The following RILPL1 variants were observed in gnomAD, a reference collection of about 807,000 sequenced individuals.
RILPL1 encodes the protein RILP-like protein 1.
RILPL1 carries 33 observed loss-of-function variants against 50.3 expected under a neutral mutation model. The observed-to-expected ratio is 0.66, with a 90% confidence interval of 0.50 to 0.88. The LOEUF is 0.88. Among genes scored for constraint, RILPL1 ranks in the 40% least tolerant of loss-of-function variants. The pLI is 0.00. For synonymous variants in RILPL1, 205 were observed against 228.6 expected (o/e 0.90, Z 0.93); for missense variants, 418 against 542.5 (o/e 0.77, Z 2.28).
At chr12:123,528,983 G>A (rs1885360324) in intron 1 of RILPL1, among the ~76,000 whole-genome samples, 1 of 151,928 alleles carries the variant, frequency 6.6e-6, no homozygotes, top group South Asian at 2.1e-4. Context: ...GAGCCTACAA[G>A]CCCCGGCACC....
intron 6 of RILPL1, among the ~76,000 whole-genome samples, chr12:123,478,752 C>T (rs1211758531): frequency 6.6e-6 from 1 of 152,160 alleles, no homozygotes; most frequent in African/African-American, 2.4e-5. Context: ...CTGATCAGCC[C>T]CTAGCCCCCG....
At chr12:123,483,170 G>GAAGGC (rs143186825) in intron 6 of RILPL1, among the ~76,000 whole-genome samples, 19,003 of 152,186 alleles carry the variant, frequency 0.12, 1,437 homozygotes, top group Non-Finnish European at 0.18. Flanking sequence ...GATAGAACTG[G>GAAGGC]AAGGCAGGCC....
chr12:123,512,751 G>T (rs1390118533), intron 2 of RILPL1, among the ~76,000 whole-genome samples: 10 of 146,552 alleles, frequency 6.8e-5, no homozygotes, highest in Non-Finnish European at 1.5e-5. Flanking sequence ...GTTTGTGTGT[G>T]TGTGTGGTAT....
At chr12:123,493,229 A>C (rs944135577) in intron 4 of RILPL1, among the ~76,000 whole-genome samples, 4 of 152,218 alleles carry the variant, frequency 2.6e-5, no homozygotes, top group African/African-American at 9.6e-5. Flanking sequence ...CTGCTTTGTA[A>C]AGCATTGAGA....
chr12:123,487,406 G>A (rs577152981), intron 4 of RILPL1, among the ~76,000 whole-genome samples: 3 of 152,038 alleles, frequency 2.0e-5, no homozygotes, highest in South Asian at 4.2e-4. Context: ...GGGTTCAAGC[G>A]ATTCTTCCGC....
Position 123,485,052 on chromosome 12 carries a change from T to C in RILPL1, c.974+581A>G, listed in dbSNP as rs551187234. The C allele has an allele frequency of 7.6e-5, 33 of 435,096 alleles. No homozygotes were observed. Among genetic ancestry groups the C allele is most frequent in the Non-Finnish European group, 1.5e-4 (31 of 212,986 alleles). 27.0% of individuals were successfully genotyped at this position (435,096 alleles called of 1,614,324 possible). The stretch of plus-strand genomic sequence containing the variant: ...TTTATGCATCTCTTATCTTCCCCAC[T>C]GGAGCAGGGACCACCTCTGGTGCAT... On this transcript the variant is annotated intron_variant, in intron 5 of 6. Coordinates refer to ENST00000376874, the MANE Select transcript of RILPL1 (RefSeq NM_178314.5). This position sits in a 1 kb window ranked among gnomAD's most constrained non-coding sequence, Gnocchi z 4.0.
chr12:123,498,757 C>CT lies in RILPL1; in HGVS notation c.587dup (p.Gln197AlafsTer11). 6.2e-7 allele frequency: 1 copy of CT among 1,612,396 alleles called. No homozygotes were observed. Among genetic ancestry groups the CT allele is most frequent in the Non-Finnish European group, 8.5e-7 (1 of 1,179,866 alleles). ...TGATCTTCATCAGCCGTGTCTGCTG[C>CT]TGCTGTAACTGTAGAAAAAGGGAGA... On this transcript the variant is annotated frameshift_variant, in exon 4 of 7. Transcript: ENST00000376874. LOFTEE classifies it high-confidence loss of function. The surrounding 1 kb of genome is among the most constrained non-coding windows in gnomAD (Gnocchi z 4.3).
At chr12:123,524,873 C>A (rs1885196094) in intron 1 of RILPL1, among the ~76,000 whole-genome samples, 1 of 51,318 alleles carries the variant, frequency 1.9e-5, no homozygotes, top group South Asian at 1.1e-3. Flanking sequence ...TGGCTCACGC[C>A]TGGAATCCCA....
chr12:123,527,314 G>C (rs1325359470), intron 1 of RILPL1, among the ~76,000 whole-genome samples: 2 of 144,228 alleles, frequency 1.4e-5, no homozygotes, highest in African/African-American at 2.5e-5. Context: ...CTGGGTGACA[G>C]AGCAAGACCC....
chr12:123,496,724 T>G (rs1045885606), intron 4 of RILPL1, among the ~76,000 whole-genome samples: 2 of 152,216 alleles, frequency 1.3e-5, no homozygotes, highest in Admixed American at 6.5e-5. Flanking sequence ...GATCTCACCC[T>G]CTGTGTTCCT....
In RILPL1 at chr12:123,485,516, C is replaced by CA. The variant is rs987217987; in HGVS notation, c.974+116dup. On this transcript the variant is annotated intron_variant, in intron 5 of 6. Coordinates refer to ENST00000376874, the MANE Select transcript of RILPL1 (RefSeq NM_178314.5). The surrounding 1 kb of genome is among the most constrained non-coding windows in gnomAD (Gnocchi z 4.0). ...AGTTCTTTAGGCCAGAGAGGGTACC[C>CA]AAAAAAAACACTGATGAAATGCTTG... 8.3e-4 allele frequency: 811 copies of CA among 980,140 alleles called. No homozygotes were observed. The highest frequency in any genetic ancestry group is 1.1e-3 in the Non-Finnish European group (698 of 660,322). 60.7% of individuals were successfully genotyped at this position (980,140 alleles called of 1,614,324 possible). A position where few individuals can be genotyped will look rare whatever the true frequency, so the allele number is the denominator to read the frequency against.
chr12:123,532,863 G>C (rs1885487675), intron 1 of RILPL1, among the ~76,000 whole-genome samples: 1 of 152,118 alleles, frequency 6.6e-6, no homozygotes, highest in African/African-American at 2.4e-5. Flanking sequence ...GTCCTATTAT[G>C]ATTACCATTT....
chr12:123,504,711 T>G (rs1383134090), intron 2 of RILPL1, among the ~76,000 whole-genome samples: 1 of 150,684 alleles, frequency 6.6e-6, no homozygotes, highest in East Asian at 1.9e-4. Context: ...ATGGGTCTTA[T>G]TATCATTACT....
At chr12:123,512,357 T>G (rs1884367342) in intron 2 of RILPL1, among the ~76,000 whole-genome samples, 1 of 134,570 alleles carries the variant, frequency 7.4e-6, no homozygotes, top group African/African-American at 2.9e-5. Flanking sequence ...TCTGTATGTG[T>G]GTGTGTGTGT....
intron 2 of RILPL1, among the ~76,000 whole-genome samples, chr12:123,517,829 T>C (rs1377821719): frequency 6.6e-6 from 1 of 152,124 alleles, no homozygotes; most frequent in Non-Finnish European, 1.5e-5. Flanking sequence ...AAAACACACA[T>C]TGCCATTGTC....
chr12:123,474,907 C>T (rs2139303179), intron 6 of RILPL1: 1 of 152,346 alleles, frequency 6.6e-6, no homozygotes, highest in South Asian at 2.1e-4. Context: ...GTTACTGGAT[C>T]CTACACTCAC....
Position 123,498,425 on chromosome 12 carries a change from G to A in RILPL1, c.801+119C>T, listed in dbSNP as rs745446637. The A allele has an allele frequency of 2.4e-6, 2 of 823,592 alleles. No homozygotes were observed. Among genetic ancestry groups the A allele is most frequent in the Admixed American group, 2.3e-5 (1 of 44,138 alleles). The allele number at this position is 823,592 out of a possible 1,614,324, so 51.0% of individuals were successfully genotyped here. A position where few individuals can be genotyped will look rare whatever the true frequency, so the allele number is the denominator to read the frequency against. ...TTGTAGAGAATTGGGGTCTTGCTAT[G>A]TTGCCCAGGTTGGCCATTTTCTGAA... On this transcript the variant is annotated intron_variant, in intron 4 of 6. Coordinates refer to ENST00000376874, the MANE Select transcript of RILPL1 (RefSeq NM_178314.5). The surrounding 1 kb of genome is among the most constrained non-coding windows in gnomAD (Gnocchi z 4.3).
chr12:123,506,979 T>C (rs992460616), intron 2 of RILPL1, among the ~76,000 whole-genome samples: 2 of 152,038 alleles, frequency 1.3e-5, no homozygotes, highest in Admixed American at 1.3e-4. Context: ...CTGGCTGGTG[T>C]GCAGAGGCAG....
At chr12:123,528,613 G>A (rs1193289193) in intron 1 of RILPL1, among the ~76,000 whole-genome samples, 4 of 151,732 alleles carry the variant, frequency 2.6e-5, no homozygotes, top group Non-Finnish European at 2.9e-5. Flanking sequence ...ATTTTTAGTA[G>A]AGACGGGGTT....
Sources: allele counts gnomAD v4.1 joint callset (sites outside exome capture counted in the v4.1 genomes callset), GRCh38; gene constraint gnomAD v4.1.1; non-coding constraint Gnocchi (gnomAD v3.1); transcripts MANE v1.5; gene names NCBI Gene and HGNC (gene_info 2026-07-23, HGNC 2026-07-21).